BNC2: variants seen among roughly 807,000 people sequenced by gnomAD.
BNC2 encodes the protein basonuclin zinc finger protein 2, also known as zinc finger protein basonuclin-2.
Under a neutral mutation model 76.3 loss-of-function variants are expected in BNC2, and 20 were observed. That is an observed-to-expected ratio of 0.26 (90% CI 0.18 to 0.38). The LOEUF is 0.38. Among genes scored for constraint, BNC2 ranks in the 10% least tolerant of loss-of-function variants. The pLI is 1.00. For synonymous variants in BNC2, 582 were observed against 514.8 expected, an observed-to-expected ratio of 1.13 and a Z score of -1.77; for missense variants, 1,382 against 1,399.8, an observed-to-expected ratio of 0.99 and a Z score of 0.20.
chr9:16,779,322 T>C (rs112917191), intron 1 of BNC2, among the ~76,000 whole-genome samples: 3,288 of 148,956 alleles, frequency 0.022, 132 homozygotes, highest in African/African-American at 0.077. Context: ...AAAAAAAAGA[T>C]TTTGATTAGA....
intron 3 of BNC2, among the ~76,000 whole-genome samples, chr9:16,676,344 G>C (rs1822642466): frequency 6.6e-6 from 1 of 152,074 alleles, no homozygotes; most frequent in Non-Finnish European, 1.5e-5. Context: ...TCCATGCATA[G>C]GCACACACCC....
chr9:16,624,862 T>C (rs1055249027), intron 3 of BNC2, among the ~76,000 whole-genome samples: 11 of 152,186 alleles, frequency 7.2e-5, no homozygotes, highest in Non-Finnish European at 1.3e-4. Flanking sequence ...CATGATAGTT[T>C]TTCAAGGCCA....
At chr9:16,467,706 T>C (rs371583479) in intron 5 of BNC2, among the ~76,000 whole-genome samples, 10 of 138,972 alleles carry the variant, frequency 7.2e-5, no homozygotes, top group African/African-American at 2.4e-4. Flanking sequence ...GGGGGAGGGA[T>C]AGCATTGGGA....
chr9:16,804,728 T>C (rs1022592750), intron 1 of BNC2, among the ~76,000 whole-genome samples: 9 of 152,090 alleles, frequency 5.9e-5, no homozygotes, highest in African/African-American at 2.2e-4. Context: ...TGTCAGAAAA[T>C]GTATTTTCAC....
chr9:16,515,746 C>T (rs183085702), intron 5 of BNC2, among the ~76,000 whole-genome samples: 5 of 146,204 alleles, frequency 3.4e-5, no homozygotes, highest in Admixed American at 6.8e-5. Flanking sequence ...AAAAAAACCT[C>T]TGAAAAAAAA....
intron 1 of BNC2, among the ~76,000 whole-genome samples, chr9:16,862,517 C>T (rs1437420878): frequency 2.0e-5 from 3 of 152,150 alleles, no homozygotes; most frequent in Non-Finnish European, 4.4e-5. Context: ...GATACCCCGT[C>T]CCAGCGCTGT....
In BNC2 at chr9:16,815,437, T is replaced by C. The variant is rs138961796; in HGVS notation, c.3+55209A>G. Among the ~76,000 whole-genome samples, 8 of 152,354 alleles carry C rather than the reference T, an allele frequency of 5.3e-5. No individual in the cohort carries two copies. The East Asian group carries it at 1.2e-3, about 22-fold the overall frequency. ...TGGAATGTTTGTAAGGATACTACTA[T>C]TCAAAGAGTTGAGGCAGGCAACTGC... On this transcript the variant is annotated intron_variant, in intron 1 of 6. Coordinates refer to ENST00000380672, the MANE Select transcript of BNC2 (RefSeq NM_017637.6).
At chr9:16,514,114 C>A (rs1003029504) in intron 5 of BNC2, among the ~76,000 whole-genome samples, 1 of 152,144 alleles carries the variant, frequency 6.6e-6, no homozygotes, top group African/African-American at 2.4e-5. Context: ...CCACCAAAGT[C>A]CTTTCTACAC....
intron 5 of BNC2, among the ~76,000 whole-genome samples, chr9:16,548,424 G>A (rs1399642177): frequency 6.9e-6 from 1 of 145,814 alleles, no homozygotes; most frequent in Non-Finnish European, 1.5e-5. Context: ...TTTTTCTTTC[G>A]AGATGGAGTC....
chr9:16,717,603 A>C (rs748956683), intron 3 of BNC2, among the ~76,000 whole-genome samples: 1 of 152,208 alleles, frequency 6.6e-6, no homozygotes, highest in African/African-American at 2.4e-5. Context: ...AAGACTCACA[A>C]TTCACAAATT....
intron 5 of BNC2, among the ~76,000 whole-genome samples, chr9:16,546,839 A>G (rs1379346818): frequency 6.6e-6 from 1 of 152,244 alleles, no homozygotes; most frequent in East Asian, 1.9e-4. Flanking sequence ...TGGTAGCCTT[A>G]AAAACAAAAA....
rs185076854 is a variant in BNC2 at position 16,502,655 on chromosome 9, G to A, written c.669+49875C>T. ...GATTTAGAGTCAAGGTCTTCCACAGGTCTGAGGAAGCCACAGAATCATGTA... is the reference window on the plus strand; with the variant it reads ...GATTTAGAGTCAAGGTCTTCCACAGATCTGAGGAAGCCACAGAATCATGTA... On this transcript the variant is annotated intron_variant, in intron 5 of 6. Coordinates refer to ENST00000380672, the MANE Select transcript of BNC2 (RefSeq NM_017637.6). Among the ~76,000 whole-genome samples the A allele has an allele frequency of 1.1e-4, 16 of 152,188 alleles. No homozygotes were observed. The East Asian group carries it at 3.1e-3, about 29-fold the overall frequency.
intron 5 of BNC2, among the ~76,000 whole-genome samples, chr9:16,453,897 C>T (rs181611156): frequency 2.0e-5 from 3 of 152,274 alleles, no homozygotes; most frequent in Admixed American, 6.5e-5. Flanking sequence ...CAAGAACTGC[C>T]CCAATCTACC....
rs901156728 is a variant in BNC2, at chr9:16,411,622, C to T, written c.*7367G>A. 6.6e-6 allele frequency: 1 copy of T among 152,580 alleles called. No individual in the cohort carries two copies. Among genetic ancestry groups the T allele is most frequent in the Admixed American group, 6.5e-5 (1 of 15,274 alleles). The allele number at this position is 152,580 out of a possible 1,614,324, so 9.5% of individuals were successfully genotyped here. A position where few individuals can be genotyped will look rare whatever the true frequency, so the allele number is the denominator to read the frequency against. ...AAGAAGTATCATGTCAACTAATTGCCTTTGCTCGAACCCAAGAGTCCTTGC... is the reference window on the plus strand; with the variant it reads ...AAGAAGTATCATGTCAACTAATTGCTTTTGCTCGAACCCAAGAGTCCTTGC... On this transcript the variant is annotated 3_prime_UTR_variant, in exon 7 of 7. Coordinates refer to ENST00000380672, the MANE Select transcript of BNC2 (RefSeq NM_017637.6).
intron 3 of BNC2, among the ~76,000 whole-genome samples, chr9:16,640,578 T>G (rs1340929261): frequency 2.6e-5 from 4 of 152,216 alleles, no homozygotes; most frequent in Admixed American, 2.6e-4. Context: ...AATTAAGCGG[T>G]CATTCTATTA....
At chr9:16,797,304 T>C (rs1048426180) in intron 1 of BNC2, among the ~76,000 whole-genome samples, 1 of 152,164 alleles carries the variant, frequency 6.6e-6, no homozygotes, top group African/African-American at 2.4e-5. Context: ...GATACCCAAC[T>C]TCTCCACTAT....
At chr9:16,463,902 C>T (rs1022605306) in intron 5 of BNC2, among the ~76,000 whole-genome samples, 1 of 151,816 alleles carries the variant, frequency 6.6e-6, no homozygotes, top group Non-Finnish European at 1.5e-5. Context: ...TTGAGACCAC[C>T]TGGGCCAACA....
intron 1 of BNC2, among the ~76,000 whole-genome samples, chr9:16,866,842 A>G (rs1292465814): frequency 6.6e-6 from 1 of 152,060 alleles, no homozygotes; most frequent in African/African-American, 2.4e-5. Context: ...TTACTAACCA[A>G]TGATACTATA....
At chr9:16,853,853 G>A (rs1425803662) in intron 1 of BNC2, among the ~76,000 whole-genome samples, 1 of 152,268 alleles carries the variant, frequency 6.6e-6, no homozygotes, top group African/African-American at 2.4e-5. Context: ...GAGCAATAGA[G>A]GGAGACTCTG....
Sources: allele counts gnomAD v4.1 joint callset (sites outside exome capture counted in the v4.1 genomes callset), GRCh38; gene constraint gnomAD v4.1.1; transcripts MANE v1.5; gene names NCBI Gene and HGNC (gene_info 2026-07-23, HGNC 2026-07-21).